The following RYR2 variants were observed in gnomAD, a reference collection of about 807,000 sequenced individuals.
RYR2 encodes the protein cardiac muscle ryanodine receptor-calcium release channel.
RYR2 carries 227 observed loss-of-function variants against 601.1 expected under a neutral mutation model. That is an observed-to-expected ratio of 0.38 (90% CI 0.34 to 0.42). The LOEUF (loss-of-function observed/expected upper bound fraction) is 0.42, where lower values mean the gene tolerates loss of function less well. Ranked by LOEUF, RYR2 falls within the 10% of genes least tolerant of loss-of-function variation. RYR2 has a pLI of 1.00. For missense variants in RYR2, 4,646 were observed against 6,156.5 expected (o/e 0.75, Z 8.21); for synonymous variants, 2,223 against 2,175.1 (o/e 1.02, Z -0.61).
intron 1 of RYR2, among the ~76,000 whole-genome samples, chr1:237,080,846 C>T (rs1665528393): frequency 1.1e-5 from 1 of 93,846 alleles, no homozygotes; most frequent in Non-Finnish European, 2.2e-5. Flanking sequence ...TTTATTGCGG[C>T]ACTATTCACA....
intron 80 of RYR2, among the ~76,000 whole-genome samples, chr1:237,744,293 T>C (rs1229667338): frequency 2.6e-5 from 4 of 150,950 alleles, no homozygotes; most frequent in Non-Finnish European, 5.9e-5. Context: ...GGAAAATCAA[T>C]CATAAACATT....
intron 1 of RYR2, among the ~76,000 whole-genome samples, chr1:237,255,197 A>G (rs997932528): frequency 3.9e-5 from 6 of 152,190 alleles, no homozygotes; most frequent in African/African-American, 9.6e-5. Flanking sequence ...AAACAGGTGC[A>G]TTTTTGTTGA....
intron 2 of RYR2, among the ~76,000 whole-genome samples, chr1:237,327,108 C>G (rs1227002679): frequency 6.6e-6 from 1 of 152,094 alleles, no homozygotes; most frequent in East Asian, 1.9e-4. Flanking sequence ...ACAGACAACA[C>G]TACAAATCTC....
At chr1:237,571,886 G>A (rs1180756117) in intron 29 of RYR2, among the ~76,000 whole-genome samples, 2 of 152,036 alleles carry the variant, frequency 1.3e-5, no homozygotes, top group Admixed American at 6.5e-5. Flanking sequence ...CATGCAATGG[G>A]TAGTAATTGC....
rs1159180533 is a variant in RYR2 at position 237,737,991 on chromosome 1, T to C, written c.11091+4235T>C. On this transcript the variant is annotated intron_variant, in intron 79 of 104. Transcript: ENST00000366574. ...TAATATCGAACTTCCTAGCGGGTAGTTTTTGGAAGCTGTCTTTCCTCATTT... is the reference window on the plus strand; with the variant it reads ...TAATATCGAACTTCCTAGCGGGTAGCTTTTGGAAGCTGTCTTTCCTCATTT... Among the ~76,000 whole-genome samples, 3 of 152,164 alleles carry C rather than the reference T, an allele frequency of 2.0e-5. No individual in the cohort carries two copies. The South Asian group carries it at 6.2e-4, about 31-fold the overall frequency.
chr1:237,341,802 G>A (rs1034493283), intron 3 of RYR2, among the ~76,000 whole-genome samples: 9 of 138,092 alleles, frequency 6.5e-5, no homozygotes, highest in African/African-American at 2.6e-4. Context: ...AGCTGTTTTT[G>A]AATTGCCTCT....
intron 74 of RYR2, among the ~76,000 whole-genome samples, chr1:237,725,247 C>T (rs892672001): frequency 2.0e-5 from 3 of 151,854 alleles, no homozygotes; most frequent in Non-Finnish European, 2.9e-5. Flanking sequence ...AAGAATATGG[C>T]GAGATTGGTT....
intron 2 of RYR2, among the ~76,000 whole-genome samples, chr1:237,289,112 G>A (rs766494951): frequency 7.2e-5 from 11 of 152,146 alleles, no homozygotes; most frequent in African/African-American, 1.9e-4. Flanking sequence ...GAGGAGGGCC[G>A]CCCTTTCCTA....
intron 1 of RYR2, among the ~76,000 whole-genome samples, chr1:237,230,717 A>C (rs1022454256): frequency 6.6e-6 from 1 of 152,132 alleles, no homozygotes; most frequent in African/African-American, 2.4e-5. Flanking sequence ...TCAGGAGTTC[A>C]AGACCAGCCT....
rs1308711902 is a variant in RYR2, at chr1:237,610,926, C to G, written c.4848C>G (p.Gly1616=). ...VDVSRISERQ[G]WLVQCLDPLQ... The stretch of plus-strand genomic sequence containing the variant: ...TGTCTCGAATAAGTGAACGCCAAGG[C>G]TGGTTGGTGCAGTGTTTGGATCCTC... Residue 1616 remains glycine (G), a synonymous_variant, in exon 36 of 105, where the codon GGC becomes GGG. Coordinates refer to ENST00000366574, the MANE Select transcript of RYR2 (RefSeq NM_001035.3). This position sits in a 1 kb window ranked among gnomAD's most constrained non-coding sequence, Gnocchi z 4.9. The G allele has an allele frequency of 5.6e-6, 9 of 1,613,356 alleles. No individual in the cohort carries two copies. Among genetic ancestry groups the G allele is most frequent in the East Asian group, 2.2e-5 (1 of 44,818 alleles).
chr1:237,184,320 C>T (rs1174860678), intron 1 of RYR2, among the ~76,000 whole-genome samples: 1 of 152,190 alleles, frequency 6.6e-6, no homozygotes, highest in African/African-American at 2.4e-5. Flanking sequence ...GAACGTGGCT[C>T]CTGCCCTTTC....
At chr1:237,452,200 T>C (rs1008947829) in intron 14 of RYR2, among the ~76,000 whole-genome samples, 1 of 147,820 alleles carries the variant, frequency 6.8e-6, no homozygotes, top group African/African-American at 2.5e-5. Flanking sequence ...ATACATATTA[T>C]ATATAATTAT....
In RYR2 at chr1:237,621,555, T is replaced by C. The variant is rs541459249; in HGVS notation, c.5917-2210T>C. On this transcript the variant is annotated intron_variant, in intron 38 of 104. Transcript: ENST00000366574. ...AGATACAAATTACCCATACCAGGAA[T>C]GAAACTACTTATCATGGCACACCCT... 3.3e-5 allele frequency among the ~76,000 whole-genome samples: 5 copies of C among 152,238 alleles called. No individual in the cohort carries two copies. In the East Asian group the frequency reaches 7.7e-4, roughly 24 times the overall value.
chr1:237,420,985 A>G (rs568089212), intron 11 of RYR2, among the ~76,000 whole-genome samples: 2 of 152,368 alleles, frequency 1.3e-5, no homozygotes, highest in East Asian at 3.9e-4. Flanking sequence ...TCACGCCTGT[A>G]ATCCCATCAC....
intron 52 of RYR2, 133 bp downstream of exon 52, chr1:237,654,547 T>C: frequency 1.2e-6 from 1 of 832,496 alleles, no homozygotes; most frequent in Non-Finnish European, 1.8e-6. Flanking sequence ...TTTTCTCTTT[T>C]CTCAACTTCA....
At chr1:237,669,613 G>T (rs563043925) in intron 58 of RYR2, among the ~76,000 whole-genome samples, 1 of 151,866 alleles carries the variant, frequency 6.6e-6, no homozygotes, top group Non-Finnish European at 1.5e-5. Flanking sequence ...CTTCTCAGAC[G>T]GGGCGGCCGG....
chr1:237,054,181 C>A (rs987536051), intron 1 of RYR2, among the ~76,000 whole-genome samples: 2 of 151,022 alleles, frequency 1.3e-5, no homozygotes, highest in African/African-American at 4.9e-5. Flanking sequence ...CCCTCCTTCC[C>A]TCCCTCCCTT....
chr1:237,471,082 C>T (rs1660670129), intron 17 of RYR2: 1 of 154,488 alleles, frequency 6.5e-6, no homozygotes, highest in African/African-American at 2.4e-5. Flanking sequence ...GGAAGGCTGG[C>T]TGCTCCACCC....
intron 1 of RYR2, among the ~76,000 whole-genome samples, chr1:237,127,395 C>T (rs552319962): frequency 3.9e-4 from 57 of 147,652 alleles, no homozygotes; most frequent in Middle Eastern, 3.9e-3. Context: ...CCGGACGGGG[C>T]GGCTGGCCGG....
Sources: gnomAD v4.1 joint callset for allele counts (sites outside exome capture counted in the v4.1 genomes callset) on GRCh38, gnomAD v4.1.1 for gene constraint, Gnocchi (gnomAD v3.1) non-coding constraint, MANE v1.5 for transcripts, NCBI Gene and HGNC (gene_info 2026-07-23, HGNC 2026-07-21) for gene names.